The following SKI variants were observed in gnomAD, a reference collection of about 807,000 sequenced individuals.
SKI encodes ski oncogene.
Under a neutral mutation model 59.3 loss-of-function variants are expected in SKI, and 23 were observed. The ratio of observed to expected loss-of-function variants is 0.39; its 90% CI spans 0.28 to 0.55. The LOEUF is 0.55. Among genes scored for constraint, SKI ranks in the 20% least tolerant of loss-of-function variants. SKI has a pLI of 0.67. For missense variants in SKI, 1,017 were observed against 1,038.9 expected (o/e 0.98, Z 0.29); for synonymous variants, 673 against 488.6 (o/e 1.38, Z -4.98).
intron 5 of SKI, 146 bp downstream of exon 5, chr1:2,304,731 G>C: frequency 7.3e-7 from 1 of 1,363,898 alleles, no homozygotes; most frequent in East Asian, 2.5e-5. Context: ...GCCTGCCTGG[G>C]ACCTTGGGGG....
Position 2,309,819 on chromosome 1 carries a change from GCCC to G in SKI, c.*3062_*3064del, listed in dbSNP as rs1168738771. On this transcript the variant is annotated 3_prime_UTR_variant, in exon 7 of 7. Transcript: ENST00000378536. ...CTCCTCCCTGTGGGTCCGAACCCCGGCCCCCCCCCCACCCCCTCCTCCCTGTGG... is the reference window on the plus strand; with the variant it reads ...CTCCTCCCTGTGGGTCCGAACCCCGGCCCCCCCACCCCCTCCTCCCTGTGG... The G allele has an allele frequency of 2.9e-4, 1 of 3,418 alleles. No individual in the cohort carries two copies. Among genetic ancestry groups the G allele is most frequent in the Non-Finnish European group, 5.5e-4 (1 of 1,828 alleles). The allele number at this position is 3,418 out of a possible 1,614,324, so 0.2% of individuals were successfully genotyped here.
In SKI at chr1:2,229,063, G is replaced by T. The variant is rs1412617647; in HGVS notation, c.297G>T (p.Glu99Asp). 6.2e-7 allele frequency: 1 copy of T among 1,606,848 alleles called. No individual in the cohort carries two copies. The highest frequency in any genetic ancestry group is 1.1e-5 in the South Asian group (1 of 91,064). ...PFFMPSDRST[E>D]RCETVLEGET... ...TCATGCCGTCCGACCGCTCCACCGAGCGCTGCGAGACCGTACTGGAAGGCG... is the reference window on the plus strand; with the variant it reads ...TCATGCCGTCCGACCGCTCCACCGATCGCTGCGAGACCGTACTGGAAGGCG... The change falls in exon 1 of 7, where the codon GAG becomes GAT. Residue 99 changes from glutamate to aspartate, a missense_variant. Physicochemically the swap from Glu to Asp is conservative, Grantham distance 45. Coordinates refer to ENST00000378536, the MANE Select transcript of SKI (RefSeq NM_003036.4). The surrounding 1 kb of genome is among the most constrained non-coding windows in gnomAD (Gnocchi z 6.3).
rs1185089387 is a variant in SKI, at chr1:2,307,972, ATC to A, written c.*1209_*1210del. On this transcript the variant is annotated 3_prime_UTR_variant, in exon 7 of 7. Coordinates refer to ENST00000378536, the MANE Select transcript of SKI (RefSeq NM_003036.4). ...ACTCGTGTCTTTTTACCCCCAAGAT[ATC>A]TGTCTTCAGTAGCGACTGAATCTGC... 1 of 152,500 alleles carries A rather than the reference ATC, an allele frequency of 6.6e-6. No homozygotes were observed. Among genetic ancestry groups the A allele is most frequent in the Non-Finnish European group, 1.5e-5 (1 of 68,044 alleles). The allele number at this position is 152,500 out of a possible 1,614,324, so 9.4% of individuals were successfully genotyped here.
At chr1:2,254,107 C>T (rs905291225) in intron 1 of SKI, among the ~76,000 whole-genome samples, 2 of 152,206 alleles carry the variant, frequency 1.3e-5, no homozygotes, top group Non-Finnish European at 2.9e-5. Context: ...AGGTGGGCTC[C>T]AGTGACCATG....
At chr1:2,255,977 CTT>C (rs561187971) in intron 1 of SKI, among the ~76,000 whole-genome samples, 56 of 151,326 alleles carry the variant, frequency 3.7e-4, no homozygotes, top group African/African-American at 1.2e-3. Context: ...CTGTGCCACT[CTT>C]TGTCCTGACC....
chr1:2,253,673 G>T (rs932203354), intron 1 of SKI, among the ~76,000 whole-genome samples: 1 of 152,340 alleles, frequency 6.6e-6, no homozygotes, highest in Admixed American at 6.5e-5. Flanking sequence ...TGACAGCTAG[G>T]AACGGTGCGA....
intron 1 of SKI, among the ~76,000 whole-genome samples, chr1:2,257,423 T>TC (rs1278522382): frequency 3.9e-5 from 6 of 152,238 alleles, no homozygotes; most frequent in Non-Finnish European, 8.8e-5. Flanking sequence ...CTGCAAGGCC[T>TC]CCCCTCCCAT....
chr1:2,233,295 T>C (rs1638682700), intron 1 of SKI, among the ~76,000 whole-genome samples: 1 of 124,312 alleles, frequency 8.0e-6, no homozygotes, highest in Admixed American at 8.0e-5. Flanking sequence ...GGTCCTGTTC[T>C]GGGCCGGGGG....
rs542659326 is a variant in SKI at position 2,229,008 on chromosome 1, C to T, written c.242C>T (p.Pro81Leu). The T allele has an allele frequency of 2.5e-6, 4 of 1,572,086 alleles. No individual in the cohort carries two copies. The highest frequency in any genetic ancestry group is 3.4e-6 in the Non-Finnish European group (4 of 1,165,818). ...PPVLHLPAIQ[P>L]PPPVLPGPFF... The stretch of plus-strand genomic sequence containing the variant: ...GTGCTGCACCTGCCCGCCATCCAGC[C>T]GCCGCCGCCCGTGCTGCCCGGGCCC... The change falls in exon 1 of 7, where the codon CCG becomes CTG. Residue 81 changes from proline to leucine, a missense_variant. Coordinates refer to ENST00000378536, the MANE Select transcript of SKI (RefSeq NM_003036.4). This position sits in a 1 kb window ranked among gnomAD's most constrained non-coding sequence, Gnocchi z 6.3.
At chr1:2,280,454 T>C (rs1001210183) in intron 1 of SKI, among the ~76,000 whole-genome samples, 1 of 151,894 alleles carries the variant, frequency 6.6e-6, no homozygotes, top group Non-Finnish European at 1.5e-5. Context: ...AGGCCTGGTC[T>C]GCTGTAAGTG....
At chr1:2,302,115 A>G (rs549627278) in intron 1 of SKI, among the ~76,000 whole-genome samples, 1 of 152,084 alleles carries the variant, frequency 6.6e-6, no homozygotes, top group South Asian at 2.1e-4. Context: ...CCAGCACACA[A>G]CCCACATCAC....
intron 1 of SKI, among the ~76,000 whole-genome samples, chr1:2,294,192 G>T (rs945617812): frequency 6.6e-6 from 1 of 152,244 alleles, no homozygotes; most frequent in African/African-American, 2.4e-5. Context: ...TGCCCATGGG[G>T]TTTGAGCCTG....
intron 6 of SKI, 145 bp from the exon 7 acceptor site, chr1:2,306,432 C>T (rs1381339792): frequency 3.0e-6 from 3 of 1,004,384 alleles, no homozygotes; most frequent in East Asian, 2.6e-5. Context: ...GTCTCGTGAG[C>T]CTGTGTCCTA....
intron 1 of SKI, among the ~76,000 whole-genome samples, chr1:2,266,316 C>T (rs1165444742): frequency 1.3e-5 from 2 of 152,150 alleles, no homozygotes; most frequent in South Asian, 2.1e-4. Context: ...CTGGGGTCTG[C>T]GGAATTGCCA....
chr1:2,229,849 G>T lies in SKI; in HGVS notation c.969+114G>T. The T allele has an allele frequency of 6.6e-7, 1 of 1,513,504 alleles. No individual in the cohort carries two copies. Among genetic ancestry groups the T allele is most frequent in the Non-Finnish European group, 8.9e-7 (1 of 1,122,612 alleles). The allele number at this position is 1,513,504 out of a possible 1,614,324, so 93.8% of individuals were successfully genotyped here. A position where few individuals can be genotyped will look rare whatever the true frequency, so the allele number is the denominator to read the frequency against. ...GACCTGTGCTTCTGCCGTGCCCCAT[G>T]TCTCCAGTCTTCGCTTTGTTTTAGG... On this transcript the variant is annotated intron_variant, in intron 1 of 6. Coordinates refer to ENST00000378536, the MANE Select transcript of SKI (RefSeq NM_003036.4). The surrounding 1 kb of genome is among the most constrained non-coding windows in gnomAD (Gnocchi z 6.3).
chr1:2,288,383 A>G lies in SKI; in HGVS notation c.970-14595A>G, dbSNP rs1176013750. 2.6e-5 allele frequency among the ~76,000 whole-genome samples: 4 copies of G among 152,204 alleles called. No individual in the cohort carries two copies. In the East Asian group the frequency reaches 5.8e-4, roughly 22 times the overall value. ...GTGATCTACCTGACTTGGTCTCCCA[A>G]AGTGCTGAGATTACAGGCATGAGCC... On this transcript the variant is annotated intron_variant, in intron 1 of 6. Coordinates refer to ENST00000378536, the MANE Select transcript of SKI (RefSeq NM_003036.4).
chr1:2,238,504 G>A (rs577759453), intron 1 of SKI, among the ~76,000 whole-genome samples: 2 of 152,226 alleles, frequency 1.3e-5, no homozygotes, highest in Admixed American at 6.5e-5. Context: ...GATGGGGGCC[G>A]GGCACTCCCA....
At chr1:2,304,201 T>A in intron 4 of SKI, 92 bp from the exon 5 acceptor site, 1 of 1,568,630 alleles carries the variant, frequency 6.4e-7, no homozygotes, top group Non-Finnish European at 8.6e-7. Context: ...TGGCCCCATG[T>A]TTCGCAGGTT....
chr1:2,254,999 G>A lies in SKI; in HGVS notation c.969+25264G>A, dbSNP rs553822728. Among the ~76,000 whole-genome samples, 32 of 152,256 alleles carry A rather than the reference G, an allele frequency of 2.1e-4. No homozygotes were observed. In the East Asian group the frequency reaches 4.2e-3, roughly 20 times the overall value. ...GTGTCACCTCTGTGTCCTGTGGTGC[G>A]TGCTGTGGACTGGCACCACACCCCA... On this transcript the variant is annotated intron_variant, in intron 1 of 6. Coordinates refer to ENST00000378536, the MANE Select transcript of SKI (RefSeq NM_003036.4).
Sources: gnomAD v4.1 joint callset for allele counts (sites outside exome capture counted in the v4.1 genomes callset) on GRCh38, gnomAD v4.1.1 for gene constraint, Gnocchi (gnomAD v3.1) non-coding constraint, MANE v1.5 for transcripts, NCBI Gene and HGNC (gene_info 2026-07-23, HGNC 2026-07-21) for gene names.